The following STPG2 variants were observed in gnomAD, a reference collection of about 807,000 sequenced individuals.
STPG2 encodes the protein sperm tail PG-rich repeat containing 2.
In STPG2, 56 loss-of-function variants were observed where a neutral mutation model predicts 54.2. The observed-to-expected ratio is 1.03, with a 90% CI of 0.83 to 1.29. STPG2 has a LOEUF of 1.29. Among genes scored for constraint, STPG2 ranks in the 50% most tolerant of loss-of-function variants. STPG2 has a pLI of 0.00. For missense variants in STPG2, 596 were observed against 544.9 expected, an observed-to-expected ratio of 1.09 and a Z score of -0.93; for synonymous variants, 200 against 181.8, an observed-to-expected ratio of 1.10 and a Z score of -0.81.
chr4:97,474,922 T>C (rs1394967471), intron 4 of STPG2, among the ~76,000 whole-genome samples: 2 of 152,078 alleles, frequency 1.3e-5, no homozygotes, highest in Non-Finnish European at 2.9e-5. Context: ...ATGTAGTATA[T>C]ATAATTCTTT....
At chr4:97,903,127 T>C (rs554795664) in intron 8 of STPG2, among the ~76,000 whole-genome samples, 1 of 152,164 alleles carries the variant, frequency 6.6e-6, no homozygotes, top group Non-Finnish European at 1.5e-5. Context: ...GAATATATTC[T>C]GGACACCTAC....
chr4:97,654,027 A>C (rs944378965), intron 10 of STPG2, among the ~76,000 whole-genome samples: 1 of 152,186 alleles, frequency 6.6e-6, no homozygotes, highest in Non-Finnish European at 1.5e-5. Flanking sequence ...CATTGCTGCA[A>C]AGCAGCCCCT....
At chr4:97,824,135 A>G (rs1295215463) in intron 9 of STPG2, among the ~76,000 whole-genome samples, 1 of 152,080 alleles carries the variant, frequency 6.6e-6, no homozygotes, top group African/African-American at 2.4e-5. Flanking sequence ...GGGAAATTTG[A>G]GAGTTGACGG....
chr4:97,703,224 TAGA>T (rs1464143773), intron 10 of STPG2, among the ~76,000 whole-genome samples: 4 of 151,680 alleles, frequency 2.6e-5, no homozygotes, highest in Admixed American at 1.3e-4. Context: ...TCCATATTAT[TAGA>T]AGTAGAATCT....
intron 7 of STPG2, among the ~76,000 whole-genome samples, chr4:97,960,255 A>C (rs1578733810): frequency 6.6e-6 from 1 of 152,194 alleles, no homozygotes; most frequent in East Asian, 1.9e-4. Context: ...GAATGGGGAA[A>C]AGTTGAAAGC....
At chr4:97,852,790 T>C (rs1275087114) in intron 8 of STPG2, among the ~76,000 whole-genome samples, 1 of 151,924 alleles carries the variant, frequency 6.6e-6, no homozygotes, top group Non-Finnish European at 1.5e-5. Flanking sequence ...GAAAGGAACA[T>C]TGTCTAGACA....
intron 10 of STPG2, among the ~76,000 whole-genome samples, chr4:97,636,378 A>C (rs992780794): frequency 7.2e-6 from 1 of 139,450 alleles, no homozygotes; most frequent in African/African-American, 2.6e-5. Context: ...AAATGCCCAC[A>C]AGAGAAAGCA....
At chr4:97,932,707 T>A (rs1732596767) in intron 8 of STPG2, among the ~76,000 whole-genome samples, 1 of 152,236 alleles carries the variant, frequency 6.6e-6, no homozygotes, top group East Asian at 1.9e-4. Context: ...CATTCCTTTT[T>A]ATGACTGCAT....
At chr4:98,076,418 T>C (rs1738170071) in intron 5 of STPG2, among the ~76,000 whole-genome samples, 1 of 152,220 alleles carries the variant, frequency 6.6e-6, no homozygotes, top group African/African-American at 2.4e-5. Flanking sequence ...ATATTTTTAA[T>C]CACAATTGAA....
At chr4:97,787,325 A>G (rs1726857887) in intron 9 of STPG2, among the ~76,000 whole-genome samples, 1 of 152,096 alleles carries the variant, frequency 6.6e-6, no homozygotes, top group Non-Finnish European at 1.5e-5. Flanking sequence ...TAATTTGCTG[A>G]GAATTTTTAA....
At chr4:97,747,846 T>A (rs1725466875) in intron 9 of STPG2, among the ~76,000 whole-genome samples, 2 of 151,448 alleles carry the variant, frequency 1.3e-5, no homozygotes, top group South Asian at 4.1e-4. Flanking sequence ...AAATTCTTGG[T>A]TTTATTCAGA....
At chr4:98,022,592 G>A (rs1234806154) in intron 5 of STPG2, among the ~76,000 whole-genome samples, 5 of 151,922 alleles carry the variant, frequency 3.3e-5, no homozygotes, top group African/African-American at 7.3e-5. Flanking sequence ...AAGTTCTCCT[G>A]GATAATATCC....
At chr4:97,589,130 C>T (rs1733072669) in intron 10 of STPG2, among the ~76,000 whole-genome samples, 2 of 151,818 alleles carry the variant, frequency 1.3e-5, no homozygotes, top group Admixed American at 1.3e-4. Flanking sequence ...ATGGAAAAAT[C>T]TCCAAGAGGA....
At chr4:97,710,853 G>C (rs959337445) in intron 10 of STPG2, among the ~76,000 whole-genome samples, 3 of 151,970 alleles carry the variant, frequency 2.0e-5, no homozygotes, top group African/African-American at 4.8e-5. Flanking sequence ...CAAAATTACA[G>C]ACTCAGTTCT....
chr4:97,828,052 C>T (rs1728319855), intron 9 of STPG2, among the ~76,000 whole-genome samples: 1 of 152,048 alleles, frequency 6.6e-6, no homozygotes, highest in African/African-American at 2.4e-5. Flanking sequence ...CCATCAAAGC[C>T]AATTTAAAAA....
intron 4 of STPG2, among the ~76,000 whole-genome samples, chr4:97,553,088 A>G (rs773926304): frequency 6.6e-6 from 1 of 152,142 alleles, no homozygotes; most frequent in Non-Finnish European, 1.5e-5. Flanking sequence ...TATAGTTCTC[A>G]AGTACATCTC....
intron 4 of STPG2, among the ~76,000 whole-genome samples, chr4:97,493,252 A>C (rs1367952800): frequency 6.6e-6 from 1 of 151,074 alleles, no homozygotes; most frequent in Non-Finnish European, 1.5e-5. Flanking sequence ...ACAAAACAGA[A>C]CCCAGCCCAG....
At chr4:97,954,732 T>C (rs1418101322) in intron 7 of STPG2, among the ~76,000 whole-genome samples, 2 of 152,208 alleles carry the variant, frequency 1.3e-5, no homozygotes, top group Non-Finnish European at 2.9e-5. Flanking sequence ...TGTATCTACC[T>C]TGCAGAGGAA....
At chr4:97,778,089 C>T (rs181063810) in intron 9 of STPG2, among the ~76,000 whole-genome samples, 17 of 152,152 alleles carry the variant, frequency 1.1e-4, no homozygotes, top group African/African-American at 3.6e-4. Context: ...TGCAGCCCAC[C>T]GAGCATAAGC....
Sources: allele counts gnomAD v4.1 joint callset (sites outside exome capture counted in the v4.1 genomes callset), GRCh38; gene constraint gnomAD v4.1.1; transcripts MANE v1.5; gene names NCBI Gene and HGNC (gene_info 2026-07-23, HGNC 2026-07-21).